Variants in AFF3 observed in about 807,000 individuals in gnomAD.
AFF3 encodes ALF transcription elongation factor 3.
AFF3 carries 32 observed loss-of-function variants against 129.7 expected under a neutral mutation model. The observed-to-expected ratio is 0.25, with a 90% CI of 0.19 to 0.33. The LOEUF (loss-of-function observed/expected upper bound fraction) is 0.33. Ranked by LOEUF, AFF3 falls within the 10% of genes least tolerant of loss-of-function variation. The pLI is 1.00. For synonymous variants in AFF3, 644 were observed against 635.4 expected (o/e 1.01, Z -0.20); for missense variants, 1,373 against 1,592.0 (o/e 0.86, Z 2.34).
chr2:99,775,838 A>G (rs1683858971), intron 8 of AFF3, among the ~76,000 whole-genome samples: 1 of 152,202 alleles, frequency 6.6e-6, no homozygotes, highest in African/African-American at 2.4e-5. Flanking sequence ...AAAGGACAGT[A>G]GTTCCTTGCA....
chr2:100,022,494 T>C (rs1683675180), intron 4 of AFF3, among the ~76,000 whole-genome samples: 2 of 152,102 alleles, frequency 1.3e-5, no homozygotes, highest in Admixed American at 1.3e-4. Context: ...CACTGTGACC[T>C]CCGCCTTCCG....
chr2:99,713,382 C>T (rs185591900), intron 11 of AFF3, among the ~76,000 whole-genome samples: 2 of 151,582 alleles, frequency 1.3e-5, no homozygotes, highest in African/African-American at 4.8e-5. Context: ...GATTCTCCTG[C>T]CTCAGCCTCC....
chr2:99,901,903 C>T (rs962055608), intron 7 of AFF3, among the ~76,000 whole-genome samples: 6 of 151,506 alleles, frequency 4.0e-5, no homozygotes, highest in African/African-American at 1.5e-4. Flanking sequence ...ATTTCATGAC[C>T]GGTCCCACAG....
intron 13 of AFF3, among the ~76,000 whole-genome samples, chr2:99,637,147 T>C (rs1683746094): frequency 6.6e-6 from 1 of 152,228 alleles, no homozygotes; most frequent in Non-Finnish European, 1.5e-5. Context: ...CTCCATGGGC[T>C]TTGGCCAGTT....
chr2:99,695,147 G>A (rs1232116363), intron 11 of AFF3, among the ~76,000 whole-genome samples: 1 of 151,932 alleles, frequency 6.6e-6, no homozygotes, highest in East Asian at 1.9e-4. Context: ...CATTATTTTA[G>A]TGCAAAGTGT....
chr2:99,796,943 GAC>G (rs1685592821), intron 8 of AFF3, among the ~76,000 whole-genome samples: 1 of 152,106 alleles, frequency 6.6e-6, no homozygotes, highest in Admixed American at 6.5e-5. Flanking sequence ...TTTCTCACCT[GAC>G]AAACTGTGGA....
chr2:99,683,281 CG>C (rs1360122714), intron 11 of AFF3, among the ~76,000 whole-genome samples: 1 of 152,054 alleles, frequency 6.6e-6, no homozygotes, highest in Non-Finnish European at 1.5e-5. Flanking sequence ...AATGGAAAAA[CG>C]AGAGTGTTTA....
rs1045933782 is a variant in AFF3 at position 99,843,366 on chromosome 2, G to C, written c.874-5842C>G. ...TCCCAATCCCCAAGCTAGAAGCCCA[G>C]CTGCCTCTGAGCCTCCTCTGATCCT... On this transcript the variant is annotated intron_variant, in intron 7 of 24. Transcript: ENST00000672756. 8.1e-4 allele frequency among the ~76,000 whole-genome samples: 123 copies of C among 152,292 alleles called. 1 individual carries two copies. Among genetic ancestry groups the C allele is most frequent in the African/African-American group, 2.8e-3 (118 of 41,556 alleles).
intron 10 of AFF3, among the ~76,000 whole-genome samples, chr2:99,743,305 C>G (rs550303903): frequency 9.8e-4 from 149 of 152,342 alleles, no homozygotes; most frequent in Non-Finnish European, 1.7e-3. Context: ...ATTTGCCTCA[C>G]AGATGCCCAG....
At chr2:99,762,687 A>G (rs1682715850) in intron 8 of AFF3, among the ~76,000 whole-genome samples, 1 of 152,240 alleles carries the variant, frequency 6.6e-6, no homozygotes. Context: ...CACCAAGCGT[A>G]TGTGACTGTT....
At chr2:99,727,204 T>C (rs966280536) in intron 10 of AFF3, 76 bp from the exon 11 acceptor site, 10 of 1,346,440 alleles carry the variant, frequency 7.4e-6, no homozygotes, top group Non-Finnish European at 1.0e-5. Flanking sequence ...TTAAATATAT[T>C]TCCATGCTCC....
intron 7 of AFF3, among the ~76,000 whole-genome samples, chr2:99,881,406 CAA>C (rs11367144): frequency 1.9e-3 from 230 of 122,956 alleles, no homozygotes; most frequent in African/African-American, 2.6e-3. Context: ...AGCATCTTTT[CAA>C]AAAAAAAAAA....
intron 7 of AFF3, among the ~76,000 whole-genome samples, chr2:99,923,473 T>C (rs369822573): frequency 6.6e-6 from 1 of 152,214 alleles, no homozygotes; most frequent in South Asian, 2.1e-4. Flanking sequence ...ACCCAAGTAC[T>C]CTCAAGAGCC....
Position 99,689,323 on chromosome 2 carries a change from T to C in AFF3, c.1092-16734A>G, listed in dbSNP as rs79993038. Among the ~76,000 whole-genome samples the C allele has an allele frequency of 3.8e-3, 582 of 152,238 alleles. 5 individuals carry two copies. Among genetic ancestry groups the C allele is most frequent in the African/African-American group, 0.012 (503 of 41,534 alleles). On this transcript the variant is annotated intron_variant, in intron 11 of 24. Coordinates refer to ENST00000672756, the MANE Select transcript of AFF3 (RefSeq NM_001386135.1). ...GCCTGGTCCCAGCCCTGTAACTCAA[T>C]ACTGGAATGATGCAAAGTCTTTATA...
intron 2 of AFF3, among the ~76,000 whole-genome samples, chr2:100,120,616 G>A (rs748900246): frequency 1.3e-5 from 2 of 152,042 alleles, no homozygotes; most frequent in Non-Finnish European, 2.9e-5. Context: ...TTAAAATGTA[G>A]CTTCAGAAAA....
intron 7 of AFF3, among the ~76,000 whole-genome samples, chr2:99,910,364 T>C (rs184082611): frequency 6.6e-5 from 10 of 152,358 alleles, no homozygotes; most frequent in African/African-American, 1.9e-4. Context: ...ATTAATAATA[T>C]ACTATATTAT....
At chr2:100,031,981 T>A (rs567326843) in intron 4 of AFF3, among the ~76,000 whole-genome samples, 1 of 152,042 alleles carries the variant, frequency 6.6e-6, no homozygotes, top group Non-Finnish European at 1.5e-5. Context: ...GTGTTACATA[T>A]TGAAAGTATG....
intron 8 of AFF3, among the ~76,000 whole-genome samples, chr2:99,829,722 C>T (rs1259649612): frequency 2.6e-5 from 4 of 152,124 alleles, no homozygotes; most frequent in African/African-American, 7.2e-5. Flanking sequence ...GACATTGTGG[C>T]GATTCCTCAA....
intron 2 of AFF3, chr2:100,106,967 C>A: frequency 1.0e-6 from 1 of 985,420 alleles, no homozygotes; most frequent in Non-Finnish European, 1.2e-6. Flanking sequence ...GGCAGATTTA[C>A]GTTTGAATTT....
Sources: gnomAD v4.1 joint callset for allele counts (sites outside exome capture counted in the v4.1 genomes callset) on GRCh38, gnomAD v4.1.1 for gene constraint, MANE v1.5 for transcripts, NCBI Gene and HGNC (gene_info 2026-07-23, HGNC 2026-07-21) for gene names.